The following PIP5K1A variants were observed in gnomAD, a reference collection of about 807,000 sequenced individuals.
PIP5K1A encodes the protein phosphatidylinositol-4-phosphate 5-kinase type 1 alpha, also known as phosphatidylinositol 4-phosphate 5-kinase type-1 alpha.
A neutral mutation model predicts 72.9 loss-of-function variants in PIP5K1A; 46 were observed. The ratio of observed to expected loss-of-function variants is 0.63; its 90% CI spans 0.50 to 0.81. The LOEUF is 0.81. Among genes scored for constraint, PIP5K1A ranks in the 30% least tolerant of loss-of-function variants. The pLI is 0.00. For synonymous variants in PIP5K1A, 228 were observed against 255.1 expected (o/e 0.89, Z 1.01); for missense variants, 458 against 706.1 (o/e 0.65, Z 3.98).
At chr1:151,200,260 TG>T (rs1685033638) in intron 1 of PIP5K1A, among the ~76,000 whole-genome samples, 1 of 151,900 alleles carries the variant, frequency 6.6e-6, no homozygotes, top group Non-Finnish European at 1.5e-5. Flanking sequence ...ATGCTTACGC[TG>T]TATCAGGAGA....
intron 4 of PIP5K1A, among the ~76,000 whole-genome samples, chr1:151,229,167 CAAAAAAAAAAAA>C (rs34356281): frequency 1.6e-3 from 65 of 41,364 alleles, no homozygotes; most frequent in African/African-American, 5.1e-3. Context: ...GACCCCGTCT[CAAAAAAAAAAAA>C]AAAAAAAAAA....
At chr1:151,211,953 A>T (rs1017967290) in intron 1 of PIP5K1A, among the ~76,000 whole-genome samples, 2 of 149,492 alleles carry the variant, frequency 1.3e-5, no homozygotes, top group African/African-American at 4.9e-5. Flanking sequence ...AACAAAAAAT[A>T]AAAAAAAAAT....
chr1:151,229,865 C>T (rs1412736025), intron 4 of PIP5K1A, among the ~76,000 whole-genome samples: 2 of 151,568 alleles, frequency 1.3e-5, no homozygotes, highest in African/African-American at 4.8e-5. Flanking sequence ...AGGTGGATAA[C>T]GAGGTCAGGA....
intron 3 of PIP5K1A, among the ~76,000 whole-genome samples, chr1:151,225,133 G>A (rs1476358452): frequency 6.6e-6 from 1 of 152,142 alleles, no homozygotes; most frequent in East Asian, 1.9e-4. Context: ...CCAGGAGATC[G>A]AGACAGGCCT....
chr1:151,223,327 G>A (rs1688657686), intron 1 of PIP5K1A, among the ~76,000 whole-genome samples: 2 of 145,974 alleles, frequency 1.4e-5, no homozygotes, highest in African/African-American at 5.1e-5. Context: ...TCCAGCCTCG[G>A]TGACCAGCAA....
At position 151,242,422 on chromosome 1, in the gene PIP5K1A, T is replaced by C. The variant is rs1422970971; in HGVS notation, c.1511-16T>C. The stretch of plus-strand genomic sequence containing the variant: ...CTTGTATTTACTGTACCCCATCTTC[T>C]CTATCTTTTTTCCAGGCGTTCACCT... On this transcript the variant is annotated splice_polypyrimidine_tract_variant and intron_variant, in intron 13 of 15. Transcript: ENST00000368888. The C allele has an allele frequency of 6.2e-7, 1 of 1,613,782 alleles. No homozygotes were observed. The highest frequency in any genetic ancestry group is 8.5e-7 in the Non-Finnish European group (1 of 1,179,920).
chr1:151,211,689 C>CCAGCTG (rs1217880190), intron 1 of PIP5K1A, among the ~76,000 whole-genome samples: 1 of 150,432 alleles, frequency 6.6e-6, no homozygotes, highest in Non-Finnish European at 1.5e-5. Context: ...CCAGCTACTC[C>CCAGCTG]CAGCTGCTCG....
chr1:151,215,164 G>A (rs903353663), intron 1 of PIP5K1A, among the ~76,000 whole-genome samples: 4 of 151,654 alleles, frequency 2.6e-5, no homozygotes, highest in African/African-American at 9.7e-5. Context: ...CCGAGTAGCT[G>A]GGATTACAGG....
At chr1:151,204,646 A>G (rs1218646318) in intron 1 of PIP5K1A, among the ~76,000 whole-genome samples, 1 of 152,238 alleles carries the variant, frequency 6.6e-6, no homozygotes, top group Non-Finnish European at 1.5e-5. Context: ...GAATATCACC[A>G]GGTGCCATTT....
At chr1:151,230,783 G>A (rs2102595401) in intron 4 of PIP5K1A, among the ~76,000 whole-genome samples, 1 of 152,310 alleles carries the variant, frequency 6.6e-6, no homozygotes, top group Admixed American at 6.5e-5. Flanking sequence ...AAAGTGGTCT[G>A]CCCACCTCAG....
In PIP5K1A at chr1:151,219,258, G is replaced by A. The variant is rs587753315; in HGVS notation, c.86-4987G>A. Among the ~76,000 whole-genome samples the A allele has an allele frequency of 6.6e-5, 10 of 151,938 alleles. No individual in the cohort carries two copies. The South Asian group carries it at 1.9e-3, about 28-fold the overall frequency. On this transcript the variant is annotated intron_variant, in intron 1 of 15. Transcript: ENST00000368888. Reference sequence around the variant, plus strand: ...TAGCCAGGTGTGGTGGTGCACACCCGTAATCCTGGCTACTCGGGAGGCTGA... The same window carrying A: ...TAGCCAGGTGTGGTGGTGCACACCCATAATCCTGGCTACTCGGGAGGCTGA...
At chr1:151,226,201 C>G (rs1436362122) in intron 3 of PIP5K1A, among the ~76,000 whole-genome samples, 2 of 151,830 alleles carry the variant, frequency 1.3e-5, no homozygotes, top group African/African-American at 2.4e-5. Context: ...AATTCTCTGC[C>G]TCAGCCTCCC....
At chr1:151,216,956 A>T (rs1687744317) in intron 1 of PIP5K1A, among the ~76,000 whole-genome samples, 1 of 138,410 alleles carries the variant, frequency 7.2e-6, no homozygotes, top group South Asian at 2.4e-4. Flanking sequence ...TCTGTCGCCC[A>T]GGCTAGAGTG....
intron 4 of PIP5K1A, 119 bp from the exon 5 acceptor site, chr1:151,231,552 T>C: frequency 1.2e-6 from 1 of 829,392 alleles, no homozygotes; most frequent in Admixed American, 2.0e-5. Context: ...ATCTGAACTA[T>C]TGCTCAGACT....
In PIP5K1A at chr1:151,248,636, C is replaced by G. The variant is rs1271917009; in HGVS notation, c.*771C>G. The G allele has an allele frequency of 6.6e-6, 1 of 152,632 alleles. No homozygotes were observed. Among genetic ancestry groups the G allele is most frequent in the Non-Finnish European group, 1.5e-5 (1 of 68,034 alleles). The allele number at this position is 152,632 out of a possible 1,614,324, so 9.5% of individuals were successfully genotyped here. A position where few individuals can be genotyped will look rare whatever the true frequency, so the allele number is the denominator to read the frequency against. ...GAGTGGGACATGGGGTAATCTTTATCCCTTTTGTTAAAACAGGAGGCAGCC... is the reference window on the plus strand; with the variant it reads ...GAGTGGGACATGGGGTAATCTTTATGCCTTTTGTTAAAACAGGAGGCAGCC... On this transcript the variant is annotated 3_prime_UTR_variant, in exon 16 of 16. Transcript: ENST00000368888.
At chr1:151,196,978 A>G (rs987719621), upstream of PIP5K1A, among the ~76,000 whole-genome samples, 3 of 150,322 alleles carry the variant, frequency 2.0e-5, no homozygotes, top group African/African-American at 7.4e-5. Context: ...CTCCTGCCTC[A>G]GCCTCCCGAG....
At chr1:151,216,067 C>G (rs1280749757) in intron 1 of PIP5K1A, 2 of 842,604 alleles carry the variant, frequency 2.4e-6, no homozygotes, top group Middle Eastern at 2.6e-4. Context: ...GCCAATTCCT[C>G]TTCCCCATAA....
intron 1 of PIP5K1A, among the ~76,000 whole-genome samples, chr1:151,211,930 C>T (rs1262921440): frequency 2.0e-5 from 3 of 151,618 alleles, no homozygotes; most frequent in East Asian, 1.9e-4. Context: ...GGTGAAACCC[C>T]GTCTCTACTA....
chr1:151,229,185 A>AC (rs1553298105), intron 4 of PIP5K1A, among the ~76,000 whole-genome samples: 1 of 148,446 alleles, frequency 6.7e-6, no homozygotes, highest in Non-Finnish European at 1.5e-5. Flanking sequence ...AAAAAAAAAA[A>AC]AAAAAAAACA....
Sources: gnomAD v4.1 joint callset for allele counts (sites outside exome capture counted in the v4.1 genomes callset) on GRCh38, gnomAD v4.1.1 for gene constraint, MANE v1.5 for transcripts, NCBI Gene and HGNC (gene_info 2026-07-23, HGNC 2026-07-21) for gene names.